Variants in TFEC observed in about 807,000 individuals in gnomAD.
The protein encoded by TFEC is class E basic helix-loop-helix protein 34.
In TFEC, 31 loss-of-function variants were observed where a neutral mutation model predicts 41.6. That is an observed-to-expected ratio of 0.74 (90% CI 0.56 to 1.01). The LOEUF (loss-of-function observed/expected upper bound fraction) is 1.01. Among genes scored for constraint, TFEC ranks in the 50% least tolerant of loss-of-function variants. TFEC has a pLI of 0.00. For missense variants in TFEC, 402 were observed against 404.1 expected, an observed-to-expected ratio of 0.99 and a Z score of 0.04; for synonymous variants, 143 against 140.6, an observed-to-expected ratio of 1.02 and a Z score of -0.12.
chr7:116,089,609 A>G (rs1044700955), intron 3 of TFEC, among the ~76,000 whole-genome samples: 2 of 152,026 alleles, frequency 1.3e-5, no homozygotes, highest in African/African-American at 2.4e-5. Context: ...GAATGTAAGT[A>G]TATATATGTA....
intron 3 of TFEC, among the ~76,000 whole-genome samples, chr7:116,095,869 C>G (rs1218153149): frequency 6.6e-6 from 1 of 152,058 alleles, no homozygotes; most frequent in African/African-American, 2.4e-5. Context: ...CTCTTCCCTC[C>G]TAATCATGAG....
chr7:116,080,486 A>G (rs1005573296), intron 3 of TFEC, among the ~76,000 whole-genome samples: 8 of 151,990 alleles, frequency 5.3e-5, no homozygotes, highest in Non-Finnish European at 1.2e-4. Context: ...AGAAAAAACA[A>G]AAAACAACAA....
intron 1 of TFEC, among the ~76,000 whole-genome samples, chr7:116,025,578 A>T (rs890005015): frequency 6.6e-6 from 1 of 152,140 alleles, no homozygotes; most frequent in Non-Finnish European, 1.5e-5. Context: ...TCAATGTGAA[A>T]TCTTCAGGAA....
chr7:116,042,710 C>T (rs1445841718), intron 3 of TFEC, among the ~76,000 whole-genome samples: 1 of 152,132 alleles, frequency 6.6e-6, no homozygotes. Context: ...ATTCAGGAGT[C>T]AGGCAGGGAT....
intron 1 of TFEC, among the ~76,000 whole-genome samples, chr7:115,989,257 T>C (rs1793995500): frequency 6.6e-6 from 1 of 152,182 alleles, no homozygotes; most frequent in Non-Finnish European, 1.5e-5. Context: ...GTATTTAAAA[T>C]AATAAGGCAA....
intron 3 of TFEC, among the ~76,000 whole-genome samples, chr7:116,100,494 T>C: frequency 6.6e-6 from 1 of 152,124 alleles, no homozygotes; most frequent in East Asian, 1.9e-4. Context: ...TAGGGCATAA[T>C]TTGGTTACCA....
At chr7:116,155,200 T>A (rs571580825) in intron 1 of TFEC, among the ~76,000 whole-genome samples, 98 of 152,298 alleles carry the variant, frequency 6.4e-4, no homozygotes, top group African/African-American at 2.3e-3. Context: ...CCAATGAACA[T>A]ACAAATGGGA....
chr7:116,044,890 A>G (rs989786137), intron 3 of TFEC, among the ~76,000 whole-genome samples: 2 of 152,220 alleles, frequency 1.3e-5, no homozygotes, highest in Non-Finnish European at 2.9e-5. Context: ...AGCACTGTCT[A>G]CTTTAGAAGA....
chr7:116,134,976 A>T (rs1798406311), intron 1 of TFEC, among the ~76,000 whole-genome samples: 1 of 152,142 alleles, frequency 6.6e-6, no homozygotes, highest in South Asian at 2.1e-4. Context: ...TGAATATTTG[A>T]CCTAGAATAT....
At chr7:115,994,903 T>C (rs1584660998) in intron 1 of TFEC, among the ~76,000 whole-genome samples, 1 of 152,054 alleles carries the variant, frequency 6.6e-6, no homozygotes, top group East Asian at 1.9e-4. Flanking sequence ...CACACGTATG[T>C]TTATTGCGGC....
intron 3 of TFEC, among the ~76,000 whole-genome samples, chr7:116,060,307 T>C (rs1002432386): frequency 1.3e-4 from 20 of 151,678 alleles, no homozygotes; most frequent in African/African-American, 4.9e-4. Flanking sequence ...AGTATGATGA[T>C]TCCTCAAAGG....
At chr7:116,127,467 T>A (rs1798237582) in intron 1 of TFEC, among the ~76,000 whole-genome samples, 1 of 152,204 alleles carries the variant, frequency 6.6e-6, no homozygotes, top group African/African-American at 2.4e-5. Context: ...AAAGCAGTGA[T>A]ATGTTTGCAC....
intron 3 of TFEC, among the ~76,000 whole-genome samples, chr7:116,049,733 A>G (rs1375171893): frequency 6.6e-6 from 1 of 152,206 alleles, no homozygotes; most frequent in African/African-American, 2.4e-5. Context: ...TTGGAAGTAA[A>G]GCACTCCTCG....
intron 6 of TFEC, 54 bp downstream of exon 6, chr7:115,950,820 A>C (rs764158958): frequency 9.6e-5 from 134 of 1,390,528 alleles, no homozygotes; most frequent in Non-Finnish European, 1.3e-4. Flanking sequence ...CCTCCCATTC[A>C]TTTTGGGGGT....
intron 1 of TFEC, among the ~76,000 whole-genome samples, chr7:116,125,926 A>T (rs1438931016): frequency 6.6e-6 from 1 of 152,192 alleles, no homozygotes; most frequent in Admixed American, 6.5e-5. Context: ...AGAACTGAGC[A>T]AACTGAAATC....
intron 1 of TFEC, among the ~76,000 whole-genome samples, chr7:115,994,499 C>G (rs1794272671): frequency 6.6e-6 from 1 of 152,256 alleles, no homozygotes; most frequent in Admixed American, 6.5e-5. Context: ...AGAACTCACA[C>G]AAATTTACAA....
chr7:116,111,686 C>T (rs1458969741), intron 2 of TFEC, among the ~76,000 whole-genome samples: 2 of 151,926 alleles, frequency 1.3e-5, no homozygotes, highest in African/African-American at 2.4e-5. Context: ...CTAATAGCCA[C>T]CCAAATTCTC....
intron 1 of TFEC, among the ~76,000 whole-genome samples, chr7:116,145,879 T>C (rs1339661532): frequency 2.0e-5 from 3 of 152,210 alleles, no homozygotes; most frequent in Non-Finnish European, 4.4e-5. Flanking sequence ...AGTAAGACTT[T>C]AAGACTCAAG....
chr7:116,114,020 T>G (rs1797915716), intron 1 of TFEC, among the ~76,000 whole-genome samples: 1 of 151,962 alleles, frequency 6.6e-6, no homozygotes, highest in South Asian at 2.1e-4. Flanking sequence ...GAGAAAAAAG[T>G]AAGTTGGGAA....
Sources: gnomAD v4.1 joint callset for allele counts (sites outside exome capture counted in the v4.1 genomes callset) on GRCh38, gnomAD v4.1.1 for gene constraint, MANE v1.5 for transcripts, NCBI Gene and HGNC (gene_info 2026-07-23, HGNC 2026-07-21) for gene names.